The following C1orf232 variants were observed in gnomAD, a reference collection of about 807,000 sequenced individuals.
C1orf232 encodes chromosome 1 open reading frame 230.
C1orf232 carries 10 observed loss-of-function variants against 12.1 expected under a neutral mutation model. That is an observed-to-expected ratio of 0.82 (90% CI 0.51 to 1.40). The LOEUF (loss-of-function observed/expected upper bound fraction) is 1.40. Ranked by LOEUF, C1orf232 falls within the 40% of genes most tolerant of loss-of-function variation. The probability of loss-of-function intolerance (pLI) is 0.00; values close to 1 mark genes in which losing one functional copy is unlikely to be tolerated. For synonymous variants in C1orf232, 36 were observed against 39.8 expected (o/e 0.90, Z 0.36); for missense variants, 88 against 98.4 (o/e 0.89, Z 0.45).
chr1:26,166,318 CT>C (rs2088425476), intron 1 of C1orf232, among the ~76,000 whole-genome samples, 200 bp from the exon 2 acceptor site: 1 of 150,618 alleles, frequency 6.6e-6, no homozygotes, highest in African/African-American at 2.4e-5. Flanking sequence ...TGCAGACACC[CT>C]TTTTTTCCTT....
rs1025344724 is a variant in C1orf232 at position 26,165,839 on chromosome 1, G to A, written c.253C>T (p.Pro85Ser). Residue 85 changes from proline (P) to serine (S), a missense_variant, in exon 3 of 4, where the codon CCT becomes TCT. Coordinates refer to ENST00000634842, the MANE Select transcript of C1orf232 (RefSeq NM_001364669.2). ...EDEDKLLPSE[P>S]CADHPLAARP... ...ACACGCACATACTGGTCAGCGCAAG[G>A]CTCTGATGGCAGCAGCTTATCTTCA... The A allele has an allele frequency of 4.2e-5, 52 of 1,231,622 alleles. No homozygotes were observed. Among genetic ancestry groups the A allele is most frequent in the Non-Finnish European group, 4.9e-5 (48 of 987,976 alleles). The allele number at this position is 1,231,622 out of a possible 1,614,324, so 76.3% of individuals were successfully genotyped here. A position where few individuals can be genotyped will look rare whatever the true frequency, so the allele number is the denominator to read the frequency against.
intron 2 of C1orf232, 45 bp downstream of exon 2, chr1:26,165,990 T>G (rs1293732613): frequency 4.8e-5 from 59 of 1,231,430 alleles, no homozygotes; most frequent in Non-Finnish European, 5.9e-5. Flanking sequence ...CAGAAGCCTC[T>G]GCCAGGCTGC....
intron 1 of C1orf232, 51 bp from the exon 2 acceptor site, chr1:26,166,169 A>G: frequency 8.3e-7 from 1 of 1,202,852 alleles, no homozygotes; most frequent in Non-Finnish European, 1.0e-6. Context: ...GAGGAGTGAG[A>G]TCTCCCTCCT....
Position 26,164,860 on chromosome 1 carries a change from T to C in C1orf232, c.267-405A>G, listed in dbSNP as rs1315126240. Among the ~76,000 whole-genome samples, 1 of 151,218 alleles carries C rather than the reference T, an allele frequency of 6.6e-6. No individual in the cohort carries two copies. Among genetic ancestry groups the C allele is most frequent in the Non-Finnish European group, 1.5e-5 (1 of 67,822 alleles). On this transcript the variant is annotated intron_variant, in intron 3 of 3. Coordinates refer to ENST00000634842, the MANE Select transcript of C1orf232 (RefSeq NM_001364669.2). This position sits in a 1 kb window ranked among gnomAD's most constrained non-coding sequence, Gnocchi z 4.2. ...GGTGGGAGCGGGAGGGCTGTTCAGA[T>C]CCCCCCTGAGGGAAGCCCTGGGGAA... is the stretch of plus-strand genomic sequence containing the variant.
intron 1 of C1orf232, among the ~76,000 whole-genome samples, chr1:26,166,596 C>T (rs2088429859): frequency 6.6e-6 from 1 of 152,040 alleles, no homozygotes; most frequent in Non-Finnish European, 1.5e-5. Context: ...GGATTACAGG[C>T]GTGAGCCGCC....
In C1orf232 at chr1:26,164,621, G is replaced by T. The variant is rs2088405783; in HGVS notation, c.267-166C>A. ...AGTGGGGGACCGGGACGAGGAGGAG[G>T]GTCAGGGCCTGGAGGCAAGGGGAGG... On this transcript the variant is annotated intron_variant, in intron 3 of 3. Transcript: ENST00000634842. This position sits in a 1 kb window ranked among gnomAD's most constrained non-coding sequence, Gnocchi z 4.2. Among the ~76,000 whole-genome samples the T allele has an allele frequency of 6.6e-6, 1 of 152,096 alleles. No homozygotes were observed. Among genetic ancestry groups the T allele is most frequent in the African/African-American group, 2.4e-5 (1 of 41,424 alleles).
chr1:26,168,568 T>C lies in C1orf232; in HGVS notation c.-69A>G. ...GTGGCTCAGTGGATACCAGTGAGTC[T>C]GGCTCTAGGAACTTGGTGAGGCCAA... is the stretch of plus-strand genomic sequence containing the variant. On this transcript the variant is annotated 5_prime_UTR_variant, in exon 1 of 4. Coordinates refer to ENST00000634842, the MANE Select transcript of C1orf232 (RefSeq NM_001364669.2). 9.2e-7 allele frequency: 1 copy of C among 1,084,428 alleles called. No individual in the cohort carries two copies. Among genetic ancestry groups the C allele is most frequent in the Non-Finnish European group, 1.2e-6 (1 of 853,396 alleles). The allele number at this position is 1,084,428 out of a possible 1,614,324, so 67.2% of individuals were successfully genotyped here.
chr1:26,167,279 C>T (rs1317987716), intron 1 of C1orf232, among the ~76,000 whole-genome samples: 1 of 152,214 alleles, frequency 6.6e-6, no homozygotes, highest in African/African-American at 2.4e-5. Flanking sequence ...GGAGCCTCGA[C>T]CTCCCTGGGC....
chr1:26,165,544 A>G (rs1338872539), intron 3 of C1orf232, among the ~76,000 whole-genome samples: 1 of 152,106 alleles, frequency 6.6e-6, no homozygotes, highest in Non-Finnish European at 1.5e-5. Flanking sequence ...GCGTTCTTGG[A>G]TTTTAGAGAG....
chr1:26,165,890 T>C lies in C1orf232; in HGVS notation c.202A>G (p.Met68Val). 1 of 1,231,764 alleles carries C rather than the reference T, an allele frequency of 8.1e-7. No individual in the cohort carries two copies. The highest frequency in any genetic ancestry group is 3.2e-5 in the East Asian group (1 of 31,696). The allele number at this position is 1,231,764 out of a possible 1,614,324, so 76.3% of individuals were successfully genotyped here. Residue 68 changes from methionine (M) to valine (V), a missense_variant, in exon 3 of 4, where the codon ATG becomes GTG. Physicochemically the swap from Met to Val is conservative, Grantham distance 21. Transcript: ENST00000634842. ...QGVGVKGWLTMSSLFNKEDED... is the reference protein window; with the variant it reads ...QGVGVKGWLTVSSLFNKEDED... ...TCTTCTTTGTTAAACAGAGATGACA[T>C]TGTCAGCCAGCCTTTCACCCCGACC...
Position 26,164,436 on chromosome 1 carries a change from G to T in C1orf232, c.286C>A (p.Pro96Thr), listed in dbSNP as rs1023514708. Residue 96 changes from proline (P) to threonine (T), a missense_variant, in exon 4 of 4, where the codon CCC becomes ACC. Coordinates refer to ENST00000634842, the MANE Select transcript of C1orf232 (RefSeq NM_001364669.2). The surrounding 1 kb of genome is among the most constrained non-coding windows in gnomAD (Gnocchi z 4.2). ...CADHPLAARP[P>T]SQAAAAAEAR... ...TCCGCCGCCGCCGCCGCCTGCGAGG[G>T]GGGTCGCGCCGCCAGAGGGCTGCGG... The T allele has an allele frequency of 4.0e-5, 15 of 379,324 alleles. No homozygotes were observed. Among genetic ancestry groups the T allele is most frequent in the South Asian group, 1.3e-4 (1 of 7,724 alleles). 23.5% of individuals were successfully genotyped at this position (379,324 alleles called of 1,614,324 possible).
intron 1 of C1orf232, 60 bp from the exon 2 acceptor site, chr1:26,166,178 C>A: frequency 8.5e-7 from 1 of 1,175,810 alleles, no homozygotes; most frequent in Non-Finnish European, 1.1e-6. Context: ...GATCTCCCTC[C>A]TCCACTGCTA....
chr1:26,165,782 C>T (rs2088418869), intron 3 of C1orf232, 44 bp downstream of exon 3: 1 of 1,231,852 alleles, frequency 8.1e-7, no homozygotes, highest in Admixed American at 4.2e-5. Flanking sequence ...AGAAGGGGGA[C>T]CTCAGGCCCC....
At chr1:26,167,676 C>T (rs766797367) in intron 1 of C1orf232, among the ~76,000 whole-genome samples, 1 of 152,112 alleles carries the variant, frequency 6.6e-6, no homozygotes, top group Non-Finnish European at 1.5e-5. Flanking sequence ...GGCTGGAGTG[C>T]AATGGCTCAA....
At position 26,164,595 on chromosome 1, in the gene C1orf232, C is replaced by T; in HGVS notation, c.267-140G>A. ...GTGGTGAGGAGCGGGGTCAGGTGAC[C>T]AGTGGGGGACCGGGACGAGGAGGAG... On this transcript the variant is annotated intron_variant, in intron 3 of 3. Transcript: ENST00000634842. The surrounding 1 kb of genome is among the most constrained non-coding windows in gnomAD (Gnocchi z 4.2). 2.9e-6 allele frequency: 1 copy of T among 348,538 alleles called. No individual in the cohort carries two copies. Among genetic ancestry groups the T allele is most frequent in the Non-Finnish European group, 5.1e-6 (1 of 194,590 alleles). 21.6% of individuals were successfully genotyped at this position (348,538 alleles called of 1,614,324 possible). A position where few individuals can be genotyped will look rare whatever the true frequency, so the allele number is the denominator to read the frequency against.
At chr1:26,165,083 C>G (rs2088411984) in intron 3 of C1orf232, among the ~76,000 whole-genome samples, 1 of 145,180 alleles carries the variant, frequency 6.9e-6, no homozygotes, top group African/African-American at 2.6e-5. Flanking sequence ...AGCCTCAAGT[C>G]CAGGAAGTTC....
At position 26,166,199 on chromosome 1, in the gene C1orf232, C is replaced by T. The variant is rs2088424135; in HGVS notation, c.85-81G>A. On this transcript the variant is annotated intron_variant, in intron 1 of 3. Coordinates refer to ENST00000634842, the MANE Select transcript of C1orf232 (RefSeq NM_001364669.2). ...CCTCCTCCACTGCTAGCCTAGTACA[C>T]ACAGACCAGGCACCCCAAATCCCAC... 7.6e-6 allele frequency: 8 copies of T among 1,048,630 alleles called. No individual in the cohort carries two copies. In the South Asian group the frequency reaches 3.5e-4, roughly 46 times the overall value. The allele number at this position is 1,048,630 out of a possible 1,614,324, so 65.0% of individuals were successfully genotyped here. A position where few individuals can be genotyped will look rare whatever the true frequency, so the allele number is the denominator to read the frequency against.
At position 26,168,526 on chromosome 1, in the gene C1orf232, G is replaced by A. The variant is rs753202554; in HGVS notation, c.-27C>T. On this transcript the variant is annotated 5_prime_UTR_variant, in exon 1 of 4. Transcript: ENST00000634842. Reference sequence around the variant, plus strand: ...GCTGCAGGGGGAAGGGGCCTGGCACGCAAGCACAGGAAGGTGGTGGCTCAG... The same window carrying A: ...GCTGCAGGGGGAAGGGGCCTGGCACACAAGCACAGGAAGGTGGTGGCTCAG... 53 of 1,227,724 alleles carry A rather than the reference G, an allele frequency of 4.3e-5. No homozygotes were observed. Among genetic ancestry groups the A allele is most frequent in the African/African-American group, 4.7e-5 (3 of 64,318 alleles). The allele number at this position is 1,227,724 out of a possible 1,614,324, so 76.1% of individuals were successfully genotyped here.
At chr1:26,167,738 C>G (rs2088441216) in intron 1 of C1orf232, among the ~76,000 whole-genome samples, 1 of 152,218 alleles carries the variant, frequency 6.6e-6, no homozygotes, top group Non-Finnish European at 1.5e-5. Context: ...TCTCCTACCT[C>G]AGCCTCCCAA....
Sources: allele counts gnomAD v4.1 joint callset (sites outside exome capture counted in the v4.1 genomes callset), GRCh38; gene constraint gnomAD v4.1.1; non-coding constraint Gnocchi (gnomAD v3.1); transcripts MANE v1.5; gene names NCBI Gene and HGNC (gene_info 2026-07-23, HGNC 2026-07-21).